Variants in RBM33 observed in about 807,000 individuals in gnomAD.
RBM33 encodes the protein RNA-binding protein 33.
RBM33 carries 28 observed loss-of-function variants against 132.6 expected under a neutral mutation model. The observed-to-expected ratio is 0.21, with a 90% confidence interval of 0.16 to 0.29. The LOEUF (loss-of-function observed/expected upper bound fraction) is 0.29. Among genes scored for constraint, RBM33 ranks in the 10% least tolerant of loss-of-function variants. The pLI is 1.00. For synonymous variants in RBM33, 634 were observed against 593.0 expected (o/e 1.07, Z -1.01); for missense variants, 1,291 against 1,518.5 (o/e 0.85, Z 2.49).
chr7:155,670,118 G>A (rs900296730), intron 2 of RBM33, among the ~76,000 whole-genome samples: 1 of 152,250 alleles, frequency 6.6e-6, no homozygotes, highest in African/African-American at 2.4e-5. Flanking sequence ...CGTCTTTGAG[G>A]ATAACTTCTG....
chr7:155,717,140 T>C (rs901964841), intron 8 of RBM33, among the ~76,000 whole-genome samples: 2 of 152,354 alleles, frequency 1.3e-5, no homozygotes, highest in Middle Eastern at 3.4e-3. Flanking sequence ...TTAAAAAATA[T>C]GCTTCGTTGT....
chr7:155,749,773 C>T (rs73734720), intron 14 of RBM33, among the ~76,000 whole-genome samples: 2,006 of 152,298 alleles, frequency 0.013, 50 homozygotes, highest in African/African-American at 0.045. Flanking sequence ...TCCATCATCC[C>T]GGTTCCAGAA....
chr7:155,714,719 C>A (rs1045538885), intron 8 of RBM33, among the ~76,000 whole-genome samples: 30 of 152,152 alleles, frequency 2.0e-4, no homozygotes, highest in Admixed American at 6.5e-5. Context: ...GTGGATGCTG[C>A]TGATGGGTGG....
intron 1 of RBM33, among the ~76,000 whole-genome samples, chr7:155,651,602 A>AG (rs1364590923): frequency 1.3e-5 from 2 of 150,226 alleles, no homozygotes; most frequent in Non-Finnish European, 1.5e-5. Flanking sequence ...AAAAAAAAAA[A>AG]GGGTCTAGGT....
At chr7:155,746,728 G>C (rs1358750720) in intron 14 of RBM33, 1 of 152,140 alleles carries the variant, frequency 6.6e-6, no homozygotes, top group East Asian at 1.9e-4. Flanking sequence ...TATGGTCTCT[G>C]TAATTGCTCT....
At chr7:155,652,924 A>G (rs1798395965) in intron 1 of RBM33, among the ~76,000 whole-genome samples, 1 of 152,220 alleles carries the variant, frequency 6.6e-6, no homozygotes, top group African/African-American at 2.4e-5. Context: ...TTAAGAATAT[A>G]AACAGGCTGT....
At chr7:155,759,415 C>CG (rs1801956216) in intron 14 of RBM33, among the ~76,000 whole-genome samples, 1 of 114,014 alleles carries the variant, frequency 8.8e-6, no homozygotes. Context: ...TGTTTATGTT[C>CG]TTTTTTTTTT....
intron 2 of RBM33, among the ~76,000 whole-genome samples, chr7:155,668,272 G>C (rs1585413819): frequency 1.3e-5 from 2 of 152,286 alleles, no homozygotes; most frequent in East Asian, 3.8e-4. Flanking sequence ...GGGCGCACAT[G>C]GTCATTGATG....
At chr7:155,674,719 A>G (rs1046290340) in intron 3 of RBM33, among the ~76,000 whole-genome samples, 1 of 152,148 alleles carries the variant, frequency 6.6e-6, no homozygotes, top group Non-Finnish European at 1.5e-5. Context: ...GATTGTTGTA[A>G]GTTGCTCATG....
chr7:155,722,056 T>C (rs1368628942), intron 9 of RBM33, among the ~76,000 whole-genome samples: 5 of 152,234 alleles, frequency 3.3e-5, no homozygotes, highest in African/African-American at 4.8e-5. Context: ...TAGGCTTCCA[T>C]TTAAAAATTA....
At chr7:155,689,923 G>A (rs2116938497) in intron 5 of RBM33, among the ~76,000 whole-genome samples, 1 of 152,332 alleles carries the variant, frequency 6.6e-6, no homozygotes, top group South Asian at 2.1e-4. Context: ...TAAGTGTGAT[G>A]TGCTGAGAAG....
At chr7:155,767,452 C>T (rs1331035152) in intron 16 of RBM33, among the ~76,000 whole-genome samples, 2 of 152,230 alleles carry the variant, frequency 1.3e-5, no homozygotes, top group Non-Finnish European at 2.9e-5. Flanking sequence ...CTGAGGAGTC[C>T]AAAGTGCTTT....
intron 5 of RBM33, among the ~76,000 whole-genome samples, chr7:155,688,049 C>T (rs765431619): frequency 6.6e-6 from 1 of 152,152 alleles, no homozygotes; most frequent in East Asian, 1.9e-4. Flanking sequence ...GGCATTGAAT[C>T]TATAAATTAC....
At position 155,745,435 on chromosome 7, in the gene RBM33, G is replaced by T; in HGVS notation, c.2812G>T (p.Val938Leu). Reference protein sequence around the residue: ...HKVLPIKPADVEEPAVPQTPR... With the variant: ...HKVLPIKPADLEEPAVPQTPR... Reference sequence around the variant, plus strand: ...AGTGCTCCCGATCAAACCTGCAGATGTGGAGGAGCCAGCTGTCCCCCAGAC... The same window carrying T: ...AGTGCTCCCGATCAAACCTGCAGATTTGGAGGAGCCAGCTGTCCCCCAGAC... Residue 938 changes from valine to leucine, a missense_variant, in exon 14 of 18, where the codon GTG (valine) becomes TTG (leucine). Around this residue, in one of 7 missense-constraint regions of RBM33, gnomAD observed 841 missense variants for 912.0 expected, o/e 0.92. Transcript: ENST00000401878. This position sits in a 1 kb window ranked among gnomAD's most constrained non-coding sequence, Gnocchi z 4.1. 6.2e-7 allele frequency: 1 copy of T among 1,613,918 alleles called. No homozygotes were observed. Among genetic ancestry groups the T allele is most frequent in the Non-Finnish European group, 8.5e-7 (1 of 1,179,868 alleles).
At chr7:155,737,381 G>GTGTGTT (rs1182184416) in intron 9 of RBM33, 149 bp from the exon 10 acceptor site, 2 of 653,770 alleles carry the variant, frequency 3.1e-6, no homozygotes, top group African/African-American at 3.8e-5. Flanking sequence ...GTGTGTGTGT[G>GTGTGTT]TGTGTAGAAA....
At position 155,742,121 on chromosome 7, in the gene RBM33, T is replaced by C. The variant is rs757847601; in HGVS notation, c.2337+15T>C. The C allele has an allele frequency of 6.3e-7, 1 of 1,590,260 alleles. No homozygotes were observed. Among genetic ancestry groups the C allele is most frequent in the Non-Finnish European group, 8.6e-7 (1 of 1,164,294 alleles). ...CAGAAACAGAGGTAGGACACTGCTCTTATTAACAAATGTTGGTCTCAAACA... is the reference window on the plus strand; with the variant it reads ...CAGAAACAGAGGTAGGACACTGCTCCTATTAACAAATGTTGGTCTCAAACA... On this transcript the variant is annotated intron_variant, in intron 13 of 17. Coordinates refer to ENST00000401878, the MANE Select transcript of RBM33 (RefSeq NM_053043.3).
rs150161887 is a variant in RBM33 at position 155,728,530 on chromosome 7, A to G, written c.1261-9000A>G. Among the ~76,000 whole-genome samples the G allele has an allele frequency of 2.9e-4, 44 of 152,270 alleles. No homozygotes were observed. The East Asian group carries it at 7.1e-3, about 25-fold the overall frequency. On this transcript the variant is annotated intron_variant, in intron 9 of 17. Transcript: ENST00000401878. ...CCCTGAGTAAACGGTTTCTTTCTAAATCTTAGATAGCTCTTTGGTCTTACC... is the reference window on the plus strand; with the variant it reads ...CCCTGAGTAAACGGTTTCTTTCTAAGTCTTAGATAGCTCTTTGGTCTTACC...
chr7:155,736,547 A>G (rs1239029370), intron 9 of RBM33, among the ~76,000 whole-genome samples: 1 of 152,242 alleles, frequency 6.6e-6, no homozygotes, highest in Non-Finnish European at 1.5e-5. Flanking sequence ...TTGTCTCTAA[A>G]GAGTTCTAGT....
intron 5 of RBM33, chr7:155,684,892 G>A: frequency 6.5e-7 from 1 of 1,542,122 alleles, no homozygotes; most frequent in East Asian, 2.5e-5. Context: ...CCACCCCAAA[G>A]CTGTATGAGA....
Sources: allele counts gnomAD v4.1 joint callset (sites outside exome capture counted in the v4.1 genomes callset), GRCh38; gene constraint gnomAD v4.1.1; regional missense constraint gnomAD v4.1.1; non-coding constraint Gnocchi (gnomAD v3.1); transcripts MANE v1.5; gene names NCBI Gene and HGNC (gene_info 2026-07-23, HGNC 2026-07-21).